Variants in SLC30A4 observed in about 807,000 individuals in gnomAD.
The protein encoded by SLC30A4 is probable proton-coupled zinc antiporter SLC30A4.
SLC30A4 carries 20 observed loss-of-function variants against 41.7 expected under a neutral mutation model. The observed-to-expected ratio is 0.48, with a 90% confidence interval of 0.34 to 0.70. SLC30A4 has a LOEUF of 0.70. Ranked by LOEUF, SLC30A4 falls within the 30% of genes least tolerant of loss-of-function variation. SLC30A4 has a pLI of 0.01. For missense variants in SLC30A4, 441 were observed against 529.3 expected (o/e 0.83, Z 1.64); for synonymous variants, 181 against 195.9 (o/e 0.92, Z 0.64).
At chr15:45,512,755 G>A (rs760710896) in intron 2 of SLC30A4, among the ~76,000 whole-genome samples, 1 of 152,176 alleles carries the variant, frequency 6.6e-6, no homozygotes, top group Non-Finnish European at 1.5e-5. Flanking sequence ...ATAGAACTTT[G>A]AGATGATAGA....
intron 3 of SLC30A4, among the ~76,000 whole-genome samples, chr15:45,494,885 G>A (rs556262374): frequency 2.0e-5 from 3 of 152,180 alleles, no homozygotes; most frequent in South Asian, 4.1e-4. Flanking sequence ...TATAAAGCAC[G>A]TGGTGGCTCA....
chr15:45,495,135 C>T (rs1029753913), intron 3 of SLC30A4, among the ~76,000 whole-genome samples: 1 of 151,582 alleles, frequency 6.6e-6, no homozygotes, highest in Non-Finnish European at 1.5e-5. Flanking sequence ...GAGAGTGAGA[C>T]CCCTGTCTCT....
chr15:45,512,155 A>ATG (rs1892314483), intron 2 of SLC30A4, among the ~76,000 whole-genome samples: 2 of 152,174 alleles, frequency 1.3e-5, no homozygotes, highest in South Asian at 4.1e-4. Flanking sequence ...TAATATATAT[A>ATG]TTATACATTG....
At chr15:45,485,360 A>C (rs531395281) in intron 7 of SLC30A4, 43 bp from the exon 8 acceptor site, 1 of 1,400,046 alleles carries the variant, frequency 7.1e-7, no homozygotes, top group South Asian at 1.3e-5. Context: ...TTGTACAGTT[A>C]CATCTTGAAT....
chr15:45,506,728 A>G (rs770540031), intron 3 of SLC30A4, among the ~76,000 whole-genome samples: 3 of 152,246 alleles, frequency 2.0e-5, no homozygotes, highest in Admixed American at 1.3e-4. Context: ...GAAGATCCCA[A>G]AAGTTTCAGT....
rs892749016 is a variant in SLC30A4 at position 45,480,375 on chromosome 15, A to G, written c.*4788T>C. ...TACCTGATTGGCAATCAGTAAAACA[A>G]ATCTCAAGACCTGGTTGTCAAGATT... On this transcript the variant is annotated 3_prime_UTR_variant, in exon 8 of 8. Transcript: ENST00000261867. 3 of 152,226 alleles carry G rather than the reference A, an allele frequency of 2.0e-5. No individual in the cohort carries two copies. Among genetic ancestry groups the G allele is most frequent in the African/African-American group, 7.2e-5 (3 of 41,458 alleles). The allele number at this position is 152,226 out of a possible 1,614,324, so 9.4% of individuals were successfully genotyped here. A position where few individuals can be genotyped will look rare whatever the true frequency, so the allele number is the denominator to read the frequency against.
intron 3 of SLC30A4, among the ~76,000 whole-genome samples, chr15:45,491,817 C>A (rs1037714598): frequency 6.6e-6 from 1 of 151,136 alleles, no homozygotes; most frequent in Non-Finnish European, 1.5e-5. Context: ...TGCAGTGAAC[C>A]GTATGCTACT....
intron 3 of SLC30A4, among the ~76,000 whole-genome samples, chr15:45,503,773 C>A (rs1040510470): frequency 7.2e-5 from 11 of 152,060 alleles, no homozygotes; most frequent in Non-Finnish European, 1.6e-4. Flanking sequence ...ATGGAGAAAT[C>A]CCATCTCTAC....
intron 3 of SLC30A4, among the ~76,000 whole-genome samples, chr15:45,501,218 G>A (rs1371817251): frequency 6.6e-6 from 1 of 151,878 alleles, no homozygotes; most frequent in African/African-American, 2.4e-5. Flanking sequence ...TGAGGCAGGA[G>A]AATGGCGTGA....
chr15:45,521,223 T>G (rs1425018069), intron 2 of SLC30A4, among the ~76,000 whole-genome samples: 1 of 152,164 alleles, frequency 6.6e-6, no homozygotes, highest in African/African-American at 2.4e-5. Flanking sequence ...ACCTCTAAAC[T>G]AAGAATGTAT....
At chr15:45,521,819 G>C (rs556577953) in intron 2 of SLC30A4, 145 bp downstream of exon 2, 1 of 746,938 alleles carries the variant, frequency 1.3e-6, no homozygotes, top group South Asian at 1.9e-5. Flanking sequence ...CTTTGGAACC[G>C]TGTGGCCTTT....
Position 45,484,692 on chromosome 15 carries a change from C to T in SLC30A4, c.*471G>A. On this transcript the variant is annotated 3_prime_UTR_variant, in exon 8 of 8. Coordinates refer to ENST00000261867, the MANE Select transcript of SLC30A4 (RefSeq NM_013309.6). ...GATAACTACTAGTACTTCCTGAAAT[C>T]TGTTGGGTAGTAATTTCTGTAAAAA... 1 of 153,414 alleles carries T rather than the reference C, an allele frequency of 6.5e-6. No homozygotes were observed. The highest frequency in any genetic ancestry group is 2.4e-5 in the African/African-American group (1 of 41,576). The allele number at this position is 153,414 out of a possible 1,614,324, so 9.5% of individuals were successfully genotyped here. A position where few individuals can be genotyped will look rare whatever the true frequency, so the allele number is the denominator to read the frequency against.
chr15:45,520,526 C>T (rs187611411), intron 2 of SLC30A4, among the ~76,000 whole-genome samples: 45 of 152,084 alleles, frequency 3.0e-4, no homozygotes, highest in African/African-American at 9.9e-4. Context: ...CCACCCACCT[C>T]GGCCTCCCAA....
chr15:45,481,263 C>T lies in SLC30A4; in HGVS notation c.*3900G>A, dbSNP rs1005148625. On this transcript the variant is annotated 3_prime_UTR_variant, in exon 8 of 8. Coordinates refer to ENST00000261867, the MANE Select transcript of SLC30A4 (RefSeq NM_013309.6). ...GAACTCTAAGTTGTAAAAATCTGCACTCACATTACATAAGGCATAGCTAAT... is the reference window on the plus strand; with the variant it reads ...GAACTCTAAGTTGTAAAAATCTGCATTCACATTACATAAGGCATAGCTAAT... 2.6e-5 allele frequency: 4 copies of T among 151,702 alleles called. No homozygotes were observed. The highest frequency in any genetic ancestry group is 2.0e-4 in the Admixed American group (3 of 15,240). The allele number at this position is 151,702 out of a possible 1,614,324, so 9.4% of individuals were successfully genotyped here.
At chr15:45,494,554 A>C (rs956814899) in intron 3 of SLC30A4, among the ~76,000 whole-genome samples, 2 of 152,066 alleles carry the variant, frequency 1.3e-5, no homozygotes, top group South Asian at 4.1e-4. Context: ...GCATGGTGGC[A>C]GCTGCCTGTA....
intron 3 of SLC30A4, among the ~76,000 whole-genome samples, chr15:45,491,142 C>T (rs1412740139): frequency 6.6e-6 from 1 of 152,072 alleles, no homozygotes; most frequent in African/African-American, 2.4e-5. Context: ...CCCATCTCAG[C>T]CTCCAAGTAG....
intron 5 of SLC30A4, 25 bp downstream of exon 5, chr15:45,488,816 A>G: frequency 1.3e-6 from 2 of 1,588,640 alleles, no homozygotes; most frequent in Non-Finnish European, 1.7e-6. Flanking sequence ...ACATTTTAAA[A>G]TAGAAAAATT....
chr15:45,488,778 A>G, intron 5 of SLC30A4, 63 bp downstream of exon 5: 2 of 1,309,744 alleles, frequency 1.5e-6, no homozygotes, highest in Non-Finnish European at 2.2e-6. Flanking sequence ...TATGACAATC[A>G]GCCTTAGTTT....
At chr15:45,501,168 C>T (rs1273189344) in intron 3 of SLC30A4, among the ~76,000 whole-genome samples, 1 of 151,556 alleles carries the variant, frequency 6.6e-6, no homozygotes, top group African/African-American at 2.4e-5. Context: ...ATTAGCTGGG[C>T]GTGGTGGCAG....
Sources: allele counts gnomAD v4.1 joint callset (sites outside exome capture counted in the v4.1 genomes callset), GRCh38; gene constraint gnomAD v4.1.1; transcripts MANE v1.5; gene names NCBI Gene and HGNC (gene_info 2026-07-23, HGNC 2026-07-21).